CDH9: variants seen among roughly 807,000 people sequenced by gnomAD.
The protein encoded by CDH9 is cadherin 9.
A neutral mutation model predicts 70.9 loss-of-function variants in CDH9; 28 were observed. That is an observed-to-expected ratio of 0.40 (90% CI 0.29 to 0.54). The LOEUF (loss-of-function observed/expected upper bound fraction) is 0.54. CDH9 is among the 20% of genes least tolerant of loss of function. The pLI, the probability that CDH9 is intolerant of heterozygous loss-of-function variation, is 0.59. For missense variants in CDH9, 874 were observed against 984.4 expected, an observed-to-expected ratio of 0.89 and a Z score of 1.50; for synonymous variants, 409 against 343.1, an observed-to-expected ratio of 1.19 and a Z score of -2.12.
chr5:26,920,011 AG>A (rs1410894823), intron 2 of CDH9, among the ~76,000 whole-genome samples: 1 of 152,098 alleles, frequency 6.6e-6, no homozygotes, highest in Non-Finnish European at 1.5e-5. Flanking sequence ...AGGGAAGCAG[AG>A]GGACTTTATC....
intron 1 of CDH9, among the ~76,000 whole-genome samples, chr5:27,011,919 T>G (rs183445799): frequency 6.6e-6 from 1 of 152,058 alleles, no homozygotes; most frequent in East Asian, 1.9e-4. Context: ...ATAATAATAA[T>G]AAAACTCATG....
intron 2 of CDH9, among the ~76,000 whole-genome samples, chr5:26,916,477 TTG>T (rs1481448055): frequency 2.0e-5 from 3 of 152,094 alleles, no homozygotes; most frequent in African/African-American, 7.2e-5. Flanking sequence ...CCTGTATATA[TTG>T]TGTTTTTTCC....
chr5:26,932,032 T>C (rs1456567830), intron 2 of CDH9, among the ~76,000 whole-genome samples: 1 of 152,210 alleles, frequency 6.6e-6, no homozygotes, highest in Non-Finnish European at 1.5e-5. Context: ...TGATAAAAGC[T>C]AAAGTTTTAG....
At position 27,009,357 on chromosome 5, in the gene CDH9, G is replaced by A. The variant is rs555354252; in HGVS notation, c.-49-20975C>T. On this transcript the variant is annotated intron_variant, in intron 1 of 11. Transcript: ENST00000231021. ...TCTGCTCTCCCACATGCGATAAACA[G>A]TGGTGACACAGAGGTAGTGTAAACA... 5.3e-5 allele frequency among the ~76,000 whole-genome samples: 8 copies of A among 152,238 alleles called. No homozygotes were observed. In the East Asian group the frequency reaches 1.4e-3, roughly 26 times the overall value.
intron 1 of CDH9, among the ~76,000 whole-genome samples, chr5:27,011,108 G>A (rs1404372882): frequency 1.3e-5 from 2 of 152,052 alleles, no homozygotes; most frequent in Non-Finnish European, 2.9e-5. Context: ...AGAGGTGGGG[G>A]AGAAGTGCAA....
At chr5:26,964,939 T>A (rs891815478) in intron 2 of CDH9, among the ~76,000 whole-genome samples, 3 of 152,098 alleles carry the variant, frequency 2.0e-5, no homozygotes, top group African/African-American at 7.2e-5. Flanking sequence ...TTCTATATAC[T>A]GTTATACTTA....
chr5:26,952,333 G>A (rs747712451), intron 2 of CDH9, among the ~76,000 whole-genome samples: 1 of 127,824 alleles, frequency 7.8e-6, no homozygotes. Context: ...TGATTGGGTC[G>A]GCCGGGCGTC....
intron 2 of CDH9, among the ~76,000 whole-genome samples, chr5:26,979,027 G>T (rs1742351292): frequency 6.6e-6 from 1 of 151,722 alleles, no homozygotes; most frequent in African/African-American, 2.4e-5. Context: ...GAAGGGAAAT[G>T]ATGTCACACA....
intron 2 of CDH9, among the ~76,000 whole-genome samples, chr5:26,956,431 A>G (rs1167981212): frequency 1.3e-5 from 2 of 152,188 alleles, no homozygotes; most frequent in Non-Finnish European, 2.9e-5. Flanking sequence ...ATAAAAGACC[A>G]AGTTGGTATT....
intron 1 of CDH9, among the ~76,000 whole-genome samples, chr5:27,013,209 A>G (rs994490389): frequency 6.6e-6 from 1 of 151,920 alleles, no homozygotes; most frequent in African/African-American, 2.4e-5. Flanking sequence ...ACTGGCACCT[A>G]AAGTTTAACT....
At position 26,906,714 on chromosome 5, in the gene CDH9, T is replaced by G; in HGVS notation, c.643+5A>C. On this transcript the variant is annotated splice_donor_5th_base_variant and intron_variant, in intron 4 of 11. Transcript: ENST00000231021. Reference sequence around the variant, plus strand: ...TAAGAAGTCAGCCAAGTTTAAATGTTGTACCTGATTCTGGGTCCACTGAAA... The same window carrying G: ...TAAGAAGTCAGCCAAGTTTAAATGTGGTACCTGATTCTGGGTCCACTGAAA... 1.9e-6 allele frequency: 3 copies of G among 1,612,724 alleles called. No individual in the cohort carries two copies. The highest frequency in any genetic ancestry group is 2.5e-6 in the Non-Finnish European group (3 of 1,179,370).
intron 9 of CDH9, among the ~76,000 whole-genome samples, chr5:26,886,447 T>G (rs1740568618): frequency 6.6e-6 from 1 of 152,082 alleles, no homozygotes; most frequent in African/African-American, 2.4e-5. Flanking sequence ...AATCTGTTAC[T>G]TCCACTAGAC....
chr5:26,987,088 ATTCTTTT>A (rs1044204717), intron 2 of CDH9, among the ~76,000 whole-genome samples: 1 of 92,086 alleles, frequency 1.1e-5, no homozygotes, highest in African/African-American at 4.6e-5. Flanking sequence ...AGGCACTTGT[ATTCTTTT>A]TTTTTTTTTT....
intron 2 of CDH9, among the ~76,000 whole-genome samples, chr5:26,959,940 T>C (rs2112058940): frequency 6.6e-6 from 1 of 152,082 alleles, no homozygotes; most frequent in South Asian, 2.1e-4. Context: ...TGGAAATAAA[T>C]AGTGGTGTAA....
intron 2 of CDH9, among the ~76,000 whole-genome samples, chr5:26,975,124 G>T (rs1381737060): frequency 6.6e-6 from 1 of 152,130 alleles, no homozygotes; most frequent in African/African-American, 2.4e-5. Flanking sequence ...AGTGCTCACA[G>T]AATTGCCCTG....
intron 1 of CDH9, among the ~76,000 whole-genome samples, chr5:27,000,519 A>G (rs1742745554): frequency 6.6e-6 from 1 of 152,138 alleles, no homozygotes; most frequent in Non-Finnish European, 1.5e-5. Flanking sequence ...TTTTAAAGGG[A>G]CATAAGATGA....
At chr5:26,883,951 T>C (rs1740517861) in intron 11 of CDH9, among the ~76,000 whole-genome samples, 1 of 152,070 alleles carries the variant, frequency 6.6e-6, no homozygotes, top group South Asian at 2.1e-4. Flanking sequence ...AAAAGCAAAC[T>C]CTCTTAACTA....
chr5:27,013,916 A>G (rs1181047382), intron 1 of CDH9, among the ~76,000 whole-genome samples: 3 of 152,162 alleles, frequency 2.0e-5, no homozygotes, highest in African/African-American at 2.4e-5. Context: ...TAACACATCT[A>G]TAAGGTGATA....
chr5:27,034,370 A>G (rs1039931604), intron 1 of CDH9, among the ~76,000 whole-genome samples: 5 of 151,668 alleles, frequency 3.3e-5, no homozygotes, highest in Non-Finnish European at 7.4e-5. Context: ...GATCAATTAG[A>G]GAGATCAAAA....
Sources: gnomAD v4.1 joint callset for allele counts (sites outside exome capture counted in the v4.1 genomes callset) on GRCh38, gnomAD v4.1.1 for gene constraint, MANE v1.5 for transcripts, NCBI Gene and HGNC (gene_info 2026-07-23, HGNC 2026-07-21) for gene names.